PRKDC: variants seen among roughly 807,000 people sequenced by gnomAD.
PRKDC encodes the protein protein kinase, DNA-activated, catalytic subunit, also known as DNA-dependent protein kinase catalytic subunit.
PRKDC carries 82 observed loss-of-function variants against 486.9 expected under a neutral mutation model. The observed-to-expected ratio is 0.17, with a 90% CI of 0.14 to 0.20. PRKDC has a LOEUF of 0.20. Among genes scored for constraint, PRKDC ranks in the 10% least tolerant of loss-of-function variants. The probability of loss-of-function intolerance (pLI) is 1.00; values close to 1 mark genes in which losing one functional copy is unlikely to be tolerated. For synonymous variants in PRKDC, 1,895 were observed against 1,837.0 expected (o/e 1.03, Z -0.81); for missense variants, 4,504 against 5,038.2 (o/e 0.89, Z 3.21).
chr8:47,880,903 C>T (rs1455946164), intron 38 of PRKDC, among the ~76,000 whole-genome samples: 7 of 151,786 alleles, frequency 4.6e-5, no homozygotes, highest in Non-Finnish European at 7.4e-5. Context: ...AAACATTAGC[C>T]AGGCCTGGTG....
In PRKDC at chr8:47,864,641, C is replaced by A. The variant is rs1430422019; in HGVS notation, c.5486G>T (p.Trp1829Leu). The A allele has an allele frequency of 6.2e-7, 1 of 1,609,478 alleles. No homozygotes were observed. Among genetic ancestry groups the A allele is most frequent in the Middle Eastern group, 1.7e-4 (1 of 5,832 alleles). The change falls in exon 41 of 86, where the codon TGG becomes TTG. Residue 1829 changes from tryptophan (W) to leucine (L), a missense_variant. Transcript: ENST00000314191. ...FVDRSLLTLL[W>L]HCSLDALREF... ...TCTCAAAGCATCCAGGCTACAGTGC[C>A]ACAGCAGAGTGAGGAGGGAGCGGTC...
intron 41 of PRKDC, 102 bp from the exon 42 acceptor site, chr8:47,863,679 A>G: frequency 1.0e-6 from 1 of 991,998 alleles, no homozygotes; most frequent in South Asian, 1.8e-5. Flanking sequence ...AGACAGACAG[A>G]ATTTTAACAG....
intron 26 of PRKDC, among the ~76,000 whole-genome samples, chr8:47,904,455 T>C (rs1031586069): frequency 6.6e-6 from 1 of 152,236 alleles, no homozygotes; most frequent in South Asian, 2.1e-4. Flanking sequence ...GGTTTCTCCA[T>C]GTTGGCCTGG....
chr8:47,919,674 T>G (rs2154503074), intron 21 of PRKDC, among the ~76,000 whole-genome samples: 1 of 152,178 alleles, frequency 6.6e-6, no homozygotes, highest in South Asian at 2.1e-4. Flanking sequence ...TGTTAAAGAG[T>G]TCTACTCTCT....
chr8:47,811,153 T>A (rs1035128857), intron 68 of PRKDC, among the ~76,000 whole-genome samples: 1 of 151,842 alleles, frequency 6.6e-6, no homozygotes, highest in South Asian at 2.1e-4. Context: ...TGATAACCAA[T>A]GATAAAGAAA....
chr8:47,889,935 GC>G (rs1162267431), intron 32 of PRKDC, among the ~76,000 whole-genome samples: 1 of 152,030 alleles, frequency 6.6e-6, no homozygotes, highest in East Asian at 1.9e-4. Flanking sequence ...GCTTGATTTA[GC>G]CATACCACAA....
chr8:47,937,838 G>A (rs1238377944), intron 11 of PRKDC, among the ~76,000 whole-genome samples: 1 of 152,230 alleles, frequency 6.6e-6, no homozygotes, highest in East Asian at 1.9e-4. Context: ...GGGAAAGGCT[G>A]GGCACTGTGG....
chr8:47,842,950 A>G (rs1385213545), intron 54 of PRKDC, among the ~76,000 whole-genome samples: 1 of 152,220 alleles, frequency 6.6e-6, no homozygotes, highest in Non-Finnish European at 1.5e-5. Context: ...AGATTGCTTC[A>G]GTTGGGGAGT....
intron 38 of PRKDC, 119 bp from the exon 39 acceptor site, chr8:47,879,777 T>C (rs2089170308): frequency 2.6e-6 from 2 of 756,938 alleles, no homozygotes; most frequent in South Asian, 3.2e-5. Context: ...ATGAATGGCT[T>C]CACCATAATT....
intron 64 of PRKDC, 145 bp from the exon 65 acceptor site, chr8:47,821,937 G>T: frequency 1.2e-6 from 1 of 815,538 alleles, no homozygotes; most frequent in Non-Finnish European, 1.8e-6. Context: ...AAGCTATTCA[G>T]AGTAACACTG....
chr8:47,916,476 TTACTGCAATAG>T (rs1449112743), intron 22 of PRKDC, among the ~76,000 whole-genome samples: 1 of 152,102 alleles, frequency 6.6e-6, no homozygotes, highest in Non-Finnish European at 1.5e-5. Context: ...GCTATCAAAC[TTACTGCAATAG>T]TTACAAGTTC....
chr8:47,890,342 C>G lies in PRKDC; in HGVS notation c.3986G>C (p.Arg1329Thr). 1 of 1,613,444 alleles carries G rather than the reference C, an allele frequency of 6.2e-7. No homozygotes were observed. Among genetic ancestry groups the G allele is most frequent in the Non-Finnish European group, 8.5e-7 (1 of 1,179,776 alleles). Residue 1329 changes from arginine to threonine, a missense_variant, in exon 32 of 86, where the codon AGG becomes ACG. Transcript: ENST00000314191. ...GNRTSPQEGE[R>T]YNYSKCTVVV... is the part of the protein sequence containing the mutation. Reference sequence around the variant, plus strand: ...AACGGTGCATTTGCTGTAGTTGTACCTTTCTCCCTCTTGTGGGCTTGTTCT... The same window carrying G: ...AACGGTGCATTTGCTGTAGTTGTACGTTTCTCCCTCTTGTGGGCTTGTTCT...
At chr8:47,851,539 C>T (rs765952506) in intron 52 of PRKDC, among the ~76,000 whole-genome samples, 14 of 152,178 alleles carry the variant, frequency 9.2e-5, no homozygotes, top group Non-Finnish European at 2.1e-4. Flanking sequence ...TGCTCAGGAC[C>T]ACCTGGCTTC....
At chr8:47,893,099 G>C (rs2089497588) in intron 31 of PRKDC, 40 bp downstream of exon 31, 1 of 1,514,212 alleles carries the variant, frequency 6.6e-7, no homozygotes. Flanking sequence ...GGTGACTCTG[G>C]CAGCACGACA....
At chr8:47,858,796 A>G in intron 47 of PRKDC, 53 bp downstream of exon 47, 1 of 1,557,504 alleles carries the variant, frequency 6.4e-7, no homozygotes, top group Non-Finnish European at 8.7e-7. Flanking sequence ...GTTCATTCTC[A>G]GTATGACACC....
chr8:47,826,191 A>G (rs2087734788), intron 63 of PRKDC, among the ~76,000 whole-genome samples: 1 of 152,266 alleles, frequency 6.6e-6, no homozygotes, highest in African/African-American at 2.4e-5. Context: ...GAAGAATCAG[A>G]CATAATGGAA....
intron 63 of PRKDC, among the ~76,000 whole-genome samples, chr8:47,824,678 A>G (rs1191373403): frequency 2.6e-5 from 4 of 152,162 alleles, no homozygotes; most frequent in Non-Finnish European, 5.9e-5. Flanking sequence ...TCCATGTTCT[A>G]TGGACCATCT....
At chr8:47,895,462 G>C (rs1334621641) in intron 30 of PRKDC, among the ~76,000 whole-genome samples, 1 of 152,188 alleles carries the variant, frequency 6.6e-6, no homozygotes, top group African/African-American at 2.4e-5. Context: ...ACTGAGAAGA[G>C]AACAGCACTA....
At chr8:47,856,609 A>C (rs1365072196) in intron 49 of PRKDC, among the ~76,000 whole-genome samples, 1 of 152,196 alleles carries the variant, frequency 6.6e-6, no homozygotes, top group Non-Finnish European at 1.5e-5. Context: ...GTCAGTGTCC[A>C]CAGTTTTAAA....
Sources: allele counts gnomAD v4.1 joint callset (sites outside exome capture counted in the v4.1 genomes callset), GRCh38; gene constraint gnomAD v4.1.1; transcripts MANE v1.5; gene names NCBI Gene and HGNC (gene_info 2026-07-23, HGNC 2026-07-21).